Variants in PRSS12 observed in about 807,000 individuals in gnomAD.
PRSS12 encodes serine protease 12.
In PRSS12, 85 loss-of-function variants were observed where a neutral mutation model predicts 104.4. That is an observed-to-expected ratio of 0.81 (90% CI 0.68 to 0.98). The LOEUF (loss-of-function observed/expected upper bound fraction) is 0.98. Among genes scored for constraint, PRSS12 ranks in the 50% least tolerant of loss-of-function variants. The probability of loss-of-function intolerance (pLI) is 0.00; values close to 1 mark genes in which losing one functional copy is unlikely to be tolerated. For missense variants in PRSS12, 1,141 were observed against 1,139.2 expected (o/e 1.00, Z -0.02); for synonymous variants, 454 against 425.2 (o/e 1.07, Z -0.83).
At chr4:118,316,745 C>T (rs1723432207) in intron 5 of PRSS12, among the ~76,000 whole-genome samples, 1 of 150,222 alleles carries the variant, frequency 6.7e-6, no homozygotes, top group South Asian at 2.1e-4. Flanking sequence ...TCGCTTCAGC[C>T]CAGGAGGCAG....
At chr4:118,318,950 G>A (rs1013216875) in intron 4 of PRSS12, among the ~76,000 whole-genome samples, 1 of 152,108 alleles carries the variant, frequency 6.6e-6, no homozygotes, top group East Asian at 1.9e-4. Flanking sequence ...GGTTTATAGT[G>A]CATTAAGCAC....
chr4:118,320,899 A>G (rs934562273), intron 4 of PRSS12, among the ~76,000 whole-genome samples: 1 of 152,198 alleles, frequency 6.6e-6, no homozygotes, highest in Non-Finnish European at 1.5e-5. Context: ...GGATAAAAGA[A>G]TATTATAGGA....
At chr4:118,329,904 C>A (rs1394455416) in intron 4 of PRSS12, among the ~76,000 whole-genome samples, 1 of 152,138 alleles carries the variant, frequency 6.6e-6, no homozygotes, top group African/African-American at 2.4e-5. Context: ...CAACAGCAGG[C>A]ACCGGGAAAC....
intron 8 of PRSS12, among the ~76,000 whole-genome samples, chr4:118,299,774 TA>T (rs375835093): frequency 0.12 from 7,264 of 58,666 alleles, 420 homozygotes; most frequent in Non-Finnish European, 0.18. Flanking sequence ...TTAAATAAAA[TA>T]AAATAAAATA....
chr4:118,297,461 A>G (rs540154717), intron 9 of PRSS12, among the ~76,000 whole-genome samples: 31 of 152,082 alleles, frequency 2.0e-4, no homozygotes, highest in African/African-American at 7.0e-4. Flanking sequence ...TTCAGGGGAA[A>G]GAGCTGGCCA....
chr4:118,331,911 A>C, intron 3 of PRSS12, 45 bp from the exon 4 acceptor site: 2 of 1,610,414 alleles, frequency 1.2e-6, no homozygotes, highest in Non-Finnish European at 8.5e-7. Context: ...ATGCATTTAC[A>C]TTGATTGATA....
intron 7 of PRSS12, among the ~76,000 whole-genome samples, chr4:118,310,248 T>C (rs1743673735): frequency 6.6e-6 from 1 of 152,226 alleles, no homozygotes; most frequent in Non-Finnish European, 1.5e-5. Context: ...TTTTATATTT[T>C]TGGATATTTG....
chr4:118,307,488 G>T (rs1743586273), intron 8 of PRSS12, among the ~76,000 whole-genome samples: 2 of 152,076 alleles, frequency 1.3e-5, no homozygotes, highest in African/African-American at 4.8e-5. Flanking sequence ...AATCTACTCT[G>T]AGCTAGGCAA....
rs145964630 is a variant in PRSS12, at chr4:118,282,029, G to A, written c.2535C>T (p.Ser845=). ...GESWVVYGVT[S]WGYGCGVKDS... is the part of the protein sequence containing the mutation. ...CCTTGACTCCACAGCCATACCCCCA[G>A]GAGGTCACCCCATACACCACCCAGC... is the stretch of plus-strand genomic sequence containing the variant. The change falls in exon 13 of 13, where the codon TCC becomes TCT. Residue 845 remains serine, a synonymous_variant. Coordinates refer to ENST00000296498, the MANE Select transcript of PRSS12 (RefSeq NM_003619.4). 741 of 1,613,226 alleles carry A rather than the reference G, an allele frequency of 4.6e-4. 11 individuals carry two copies. In the East Asian group the frequency reaches 0.013, roughly 28 times the overall value.
intron 7 of PRSS12, among the ~76,000 whole-genome samples, chr4:118,309,271 T>A (rs1743642431): frequency 6.6e-6 from 1 of 152,230 alleles, no homozygotes; most frequent in Non-Finnish European, 1.5e-5. Context: ...AAGTGTCACA[T>A]ATCACCACAC....
chr4:118,299,747 A>AG (rs1431942276), intron 8 of PRSS12, among the ~76,000 whole-genome samples: 1 of 46,724 alleles, frequency 2.1e-5, no homozygotes, highest in Non-Finnish European at 5.8e-5. Context: ...AAAATAAAAT[A>AG]AATAAAATAA....
At chr4:118,293,780 G>C (rs1465472060) in intron 11 of PRSS12, among the ~76,000 whole-genome samples, 1 of 152,108 alleles carries the variant, frequency 6.6e-6, no homozygotes, top group Non-Finnish European at 1.5e-5. Context: ...ACATTGCTGG[G>C]TTATAAACTG....
Position 118,318,457 on chromosome 4 carries a change from C to G in PRSS12, c.1071G>C (p.Glu357Asp). The change falls in exon 5 of 13, where the codon GAG becomes GAC. Residue 357 changes from glutamate to aspartate, a missense_variant. Transcript: ENST00000296498. ...VRCTGNELSI[E>D]QCPKSSWGEH... ...CTCCCCAGGAGCTCTTTGGACACTG[C>G]TCAATTGAAAGCTCATTCCCAGTGC... 6.2e-7 allele frequency: 1 copy of G among 1,614,142 alleles called. No homozygotes were observed. Among genetic ancestry groups the G allele is most frequent in the South Asian group, 1.1e-5 (1 of 91,088 alleles).
At chr4:118,287,041 A>C (rs1200421035) in intron 11 of PRSS12, among the ~76,000 whole-genome samples, 1 of 152,238 alleles carries the variant, frequency 6.6e-6, no homozygotes, top group Non-Finnish European at 1.5e-5. Flanking sequence ...GTTTATATTA[A>C]ACTGAGAATA....
At chr4:118,299,941 G>A (rs1211347874) in intron 8 of PRSS12, among the ~76,000 whole-genome samples, 6 of 148,176 alleles carry the variant, frequency 4.0e-5, no homozygotes, top group South Asian at 2.1e-4. Flanking sequence ...AGATCACGCC[G>A]TTGCGCTCCA....
At chr4:118,334,768 A>C (rs1022878288) in intron 3 of PRSS12, among the ~76,000 whole-genome samples, 1 of 152,196 alleles carries the variant, frequency 6.6e-6, no homozygotes, top group African/African-American at 2.4e-5. Flanking sequence ...ATATCTGGTC[A>C]TGCTGCTATC....
chr4:118,352,842 G>A lies in PRSS12; in HGVS notation c.-122C>T, dbSNP rs1397476213. The stretch of plus-strand genomic sequence containing the variant: ...AATCCCCCAGCCCCCTCCCGCCCCC[G>A]CACGCGGACCGCCCTCGCCTCCCCA... On this transcript the variant is annotated 5_prime_UTR_variant, in exon 1 of 13. Transcript: ENST00000296498. 25 of 1,429,214 alleles carry A rather than the reference G, an allele frequency of 1.7e-5. No individual in the cohort carries two copies. Among genetic ancestry groups the A allele is most frequent in the Admixed American group, 6.3e-5 (3 of 47,766 alleles). 88.5% of individuals were successfully genotyped at this position (1,429,214 alleles called of 1,614,324 possible). A position where few individuals can be genotyped will look rare whatever the true frequency, so the allele number is the denominator to read the frequency against.
intron 8 of PRSS12, among the ~76,000 whole-genome samples, chr4:118,300,676 T>C (rs897835296): frequency 1.8e-4 from 28 of 152,198 alleles, no homozygotes; most frequent in African/African-American, 6.5e-4. Context: ...ACTTAAAAAT[T>C]AAGAATGTAG....
At chr4:118,350,876 A>T (rs1263207640) in intron 1 of PRSS12, among the ~76,000 whole-genome samples, 1 of 152,200 alleles carries the variant, frequency 6.6e-6, no homozygotes, top group Non-Finnish European at 1.5e-5. Context: ...CTCTGCTCTT[A>T]TCTATTTATA....
Sources: allele counts gnomAD v4.1 joint callset (sites outside exome capture counted in the v4.1 genomes callset), GRCh38; gene constraint gnomAD v4.1.1; transcripts MANE v1.5; gene names NCBI Gene and HGNC (gene_info 2026-07-23, HGNC 2026-07-21).